TSHZ2: variants seen among roughly 807,000 people sequenced by gnomAD.
TSHZ2 encodes the protein teashirt zinc finger homeobox 2.
TSHZ2 carries 21 observed loss-of-function variants against 74.4 expected under a neutral mutation model. The ratio of observed to expected loss-of-function variants is 0.28; its 90% CI spans 0.20 to 0.41. TSHZ2 has a LOEUF of 0.41. Among genes scored for constraint, TSHZ2 ranks in the 10% least tolerant of loss-of-function variants. The probability of loss-of-function intolerance (pLI) is 1.00; values close to 1 mark genes in which losing one functional copy is unlikely to be tolerated. For synonymous variants in TSHZ2, 540 were observed against 515.3 expected, an observed-to-expected ratio of 1.05 and a Z score of -0.65; for missense variants, 1,244 against 1,293.5, an observed-to-expected ratio of 0.96 and a Z score of 0.59.
chr20:53,029,856 T>C (rs929637773), intron 1 of TSHZ2, among the ~76,000 whole-genome samples: 42 of 60,474 alleles, frequency 6.9e-4, no homozygotes, highest in Admixed American at 5.2e-4. Context: ...AAATTTGGAG[T>C]TTTTTTGATA....
At chr20:53,094,441 G>A (rs1354911160) in intron 1 of TSHZ2, among the ~76,000 whole-genome samples, 1 of 152,144 alleles carries the variant, frequency 6.6e-6, no homozygotes, top group Non-Finnish European at 1.5e-5. Context: ...AACTTCATCA[G>A]TGACATTCTA....
rs1985592280 is a variant in TSHZ2, at chr20:53,467,310, T to C, written c.*9-19834T>C. Among the ~76,000 whole-genome samples the C allele has an allele frequency of 3.3e-5, 5 of 152,334 alleles. No individual in the cohort carries two copies. The South Asian group carries it at 1.0e-3, about 32-fold the overall frequency. Reference sequence around the variant, plus strand: ...GCAGCAACGAAAGAGCTTTTTGACTTCATTTTTTAAATTTCCAGAAGGAAA... The same window carrying C: ...GCAGCAACGAAAGAGCTTTTTGACTCCATTTTTTAAATTTCCAGAAGGAAA... On this transcript the variant is annotated intron_variant, in intron 2 of 2. Transcript: ENST00000371497.
At chr20:53,313,487 C>T (rs1371608711) in intron 2 of TSHZ2, among the ~76,000 whole-genome samples, 1 of 152,214 alleles carries the variant, frequency 6.6e-6, no homozygotes, top group African/African-American at 2.4e-5. Context: ...AGTTGTTTGA[C>T]TTCACTTTGC....
At position 52,972,467 on chromosome 20, in the gene TSHZ2, A is replaced by AGT. The variant is rs968547481; in HGVS notation, c.-817_-816dup. ...TGTGTGTGCATATGTGGGGGGTGTG[A>AGT]GTGTGTGTGTGCGAGGAAGCGGGGG... On this transcript the variant is annotated 5_prime_UTR_variant, in exon 1 of 3. An upstream open reading frame in the 5' UTR gains an earlier in-frame stop. Transcript: ENST00000371497. 7 of 149,116 alleles carry AGT rather than the reference A, an allele frequency of 4.7e-5. No homozygotes were observed. The highest frequency in any genetic ancestry group is 2.2e-4 in the South Asian group (1 of 4,570). The allele number at this position is 149,116 out of a possible 1,614,324, so 9.2% of individuals were successfully genotyped here. A position where few individuals can be genotyped will look rare whatever the true frequency, so the allele number is the denominator to read the frequency against.
chr20:53,269,631 A>G (rs1990791423), intron 2 of TSHZ2, among the ~76,000 whole-genome samples: 1 of 152,192 alleles, frequency 6.6e-6, no homozygotes. Context: ...TATGATGATG[A>G]TTAAATGTTG....
intron 2 of TSHZ2, among the ~76,000 whole-genome samples, chr20:53,435,615 G>C (rs927733132): frequency 3.9e-5 from 6 of 152,196 alleles, no homozygotes; most frequent in Non-Finnish European, 5.9e-5. Context: ...CCAGGTTCAA[G>C]CAATTCTCCT....
At chr20:53,273,884 G>A (rs1444005923) in intron 2 of TSHZ2, among the ~76,000 whole-genome samples, 3 of 152,166 alleles carry the variant, frequency 2.0e-5, no homozygotes, top group Non-Finnish European at 4.4e-5. Flanking sequence ...GGGCTCTAGA[G>A]GACCAGGATA....
intron 2 of TSHZ2, among the ~76,000 whole-genome samples, chr20:53,279,073 A>T (rs563801890): frequency 6.6e-6 from 1 of 152,370 alleles, no homozygotes; most frequent in East Asian, 1.9e-4. Context: ...TAAGAAAGAG[A>T]AAACATATTA....
At chr20:53,058,945 T>A (rs868250739) in intron 1 of TSHZ2, among the ~76,000 whole-genome samples, 1 of 152,214 alleles carries the variant, frequency 6.6e-6, no homozygotes. Context: ...AACCTTTTGG[T>A]GGACATTTTC....
chr20:53,258,128 A>C (rs1990520831), intron 2 of TSHZ2, among the ~76,000 whole-genome samples: 1 of 152,242 alleles, frequency 6.6e-6, no homozygotes, highest in Non-Finnish European at 1.5e-5. Flanking sequence ...ATCTAGACCC[A>C]AATGAAGACT....
chr20:53,205,843 C>T (rs547085621), intron 1 of TSHZ2, among the ~76,000 whole-genome samples: 2 of 152,352 alleles, frequency 1.3e-5, no homozygotes, highest in African/African-American at 4.8e-5. Flanking sequence ...ATCCTGAGCA[C>T]TGATCGTGAT....
At chr20:53,181,189 T>C (rs1281926917) in intron 1 of TSHZ2, among the ~76,000 whole-genome samples, 2 of 152,166 alleles carry the variant, frequency 1.3e-5, no homozygotes, top group African/African-American at 2.4e-5. Context: ...CTACATCCCT[T>C]TTTCTCTTTT....
At chr20:53,286,213 A>C (rs1991162316) in intron 2 of TSHZ2, among the ~76,000 whole-genome samples, 2 of 152,230 alleles carry the variant, frequency 1.3e-5, no homozygotes, top group Non-Finnish European at 2.9e-5. Context: ...TCCTAAGCGG[A>C]GTGAGCGGCT....
intron 1 of TSHZ2, among the ~76,000 whole-genome samples, chr20:53,038,990 G>A (rs953191039): frequency 1.1e-4 from 17 of 151,628 alleles, no homozygotes; most frequent in Non-Finnish European, 2.4e-4. Context: ...TCTGCCTCCC[G>A]GGTTCAAGCC....
At chr20:53,382,476 T>C (rs1981894749) in intron 2 of TSHZ2, among the ~76,000 whole-genome samples, 1 of 152,108 alleles carries the variant, frequency 6.6e-6, no homozygotes, top group Non-Finnish European at 1.5e-5. Context: ...AAGAAATCAA[T>C]GAAGCTGTCC....
intron 1 of TSHZ2, among the ~76,000 whole-genome samples, chr20:53,029,920 G>A (rs1432369633): frequency 7.2e-5 from 11 of 151,924 alleles, no homozygotes; most frequent in Admixed American, 6.6e-4. Context: ...AAATGCCTAT[G>A]ACTGCCAAAT....
chr20:53,147,776 G>C (rs937942034), intron 1 of TSHZ2, among the ~76,000 whole-genome samples: 1 of 152,194 alleles, frequency 6.6e-6, no homozygotes, highest in Non-Finnish European at 1.5e-5. Flanking sequence ...GTGTGCAGTG[G>C]TGCCATCTCT....
chr20:53,306,546 C>A (rs1329382522), intron 2 of TSHZ2, among the ~76,000 whole-genome samples: 1 of 152,058 alleles, frequency 6.6e-6, no homozygotes, highest in Non-Finnish European at 1.5e-5. Flanking sequence ...CAATGCTTAT[C>A]AGCTACACAA....
intron 2 of TSHZ2, among the ~76,000 whole-genome samples, chr20:53,283,671 C>T (rs1171056579): frequency 6.6e-6 from 1 of 152,208 alleles, no homozygotes; most frequent in Non-Finnish European, 1.5e-5. Flanking sequence ...TTTGTTTTAG[C>T]TTATTCAAGC....
Sources: allele counts gnomAD v4.1 joint callset (sites outside exome capture counted in the v4.1 genomes callset), GRCh38; gene constraint gnomAD v4.1.1; transcripts MANE v1.5; gene names NCBI Gene and HGNC (gene_info 2026-07-23, HGNC 2026-07-21).